The following NKIRAS2 variants were observed in gnomAD, a reference collection of about 807,000 sequenced individuals.
NKIRAS2 encodes NFKB inhibitor interacting Ras like 2, also known as NF-kappa-B inhibitor-interacting Ras-like protein 2.
A neutral mutation model predicts 20.7 loss-of-function variants in NKIRAS2; 15 were observed. The ratio of observed to expected loss-of-function variants is 0.73; its 90% CI spans 0.49 to 1.12. NKIRAS2 has a LOEUF of 1.12. NKIRAS2 is among the 50% of genes most tolerant of loss of function. The pLI is 0.00. For synonymous variants in NKIRAS2, 116 were observed against 101.4 expected (o/e 1.14, Z -0.87); for missense variants, 196 against 249.6 (o/e 0.79, Z 1.45).
upstream of NKIRAS2, among the ~76,000 whole-genome samples, chr17:42,017,835 C>T (rs1389116535): frequency 6.6e-6 from 1 of 152,216 alleles, no homozygotes; most frequent in African/African-American, 2.4e-5. Flanking sequence ...GTCCCCACTG[C>T]TACCTTTCCG....
chr17:42,025,146 G>C lies in NKIRAS2; in HGVS notation c.*1253G>C, dbSNP rs538931437. 1.9e-4 allele frequency: 29 copies of C among 152,762 alleles called. No homozygotes were observed. Among genetic ancestry groups the C allele is most frequent in the African/African-American group, 7.0e-4 (29 of 41,582 alleles). 9.5% of individuals were successfully genotyped at this position (152,762 alleles called of 1,614,324 possible). A position where few individuals can be genotyped will look rare whatever the true frequency, so the allele number is the denominator to read the frequency against. On this transcript the variant is annotated 3_prime_UTR_variant, in exon 4 of 4. Transcript: ENST00000393885. ...CACCAGAGTGGCCGCTCAGTGCCCAGCCCGCCAGCCTCGCTCTTGGAGGCT... is the reference window on the plus strand; with the variant it reads ...CACCAGAGTGGCCGCTCAGTGCCCACCCCGCCAGCCTCGCTCTTGGAGGCT...
intron 1 of NKIRAS2, 162 bp from the exon 2 acceptor site, chr17:42,021,402 A>C (rs782263499): frequency 1.7e-6 from 1 of 600,160 alleles, no homozygotes; most frequent in Non-Finnish European, 3.0e-6. Context: ...CTATACATTC[A>C]GTTTAGAACT....
upstream of NKIRAS2, chr17:42,019,989 C>T (rs1256501093): frequency 6.6e-6 from 1 of 152,312 alleles, no homozygotes; most frequent in South Asian, 2.1e-4. Flanking sequence ...CATTCTCCCG[C>T]CGGCCTCTGG....
chr17:42,017,745 TC>T, upstream of NKIRAS2: 1 of 416,822 alleles, frequency 2.4e-6, no homozygotes, highest in South Asian at 2.5e-5. Context: ...CAACTTCCAA[TC>T]CTAGAGAGTC....
chr17:42,018,600 A>T (rs1463222876), upstream of NKIRAS2: 2 of 152,180 alleles, frequency 1.3e-5, no homozygotes, highest in Admixed American at 1.3e-4. Flanking sequence ...AGCCCTTTCC[A>T]AAACGCCTAC....
Position 42,021,564 on chromosome 17 carries a change from G to A in NKIRAS2, c.-14G>A. On this transcript the variant is annotated splice_region_variant and 5_prime_UTR_variant, in exon 2 of 4. Coordinates refer to ENST00000393885, the MANE Select transcript of NKIRAS2 (RefSeq NM_017595.6). ...ACCCAGCGTGCTTCTGTTCTTCAAG[G>A]TTGAAAACTAAGCATGGGGAAGAGC... The A allele has an allele frequency of 6.2e-7, 1 of 1,613,716 alleles. No homozygotes were observed. The highest frequency in any genetic ancestry group is 1.1e-5 in the South Asian group (1 of 91,070).
At position 42,024,126 on chromosome 17, in the gene NKIRAS2, G is replaced by A. The variant is rs1277373939; in HGVS notation, c.*233G>A. On this transcript the variant is annotated 3_prime_UTR_variant, in exon 4 of 4. Transcript: ENST00000393885. ...CCTACTCCCCATCCCAGCTTTTAGA[G>A]GATCTGCTCCACTGTCTCCTGGGGC... is the stretch of plus-strand genomic sequence containing the variant. 3.5e-6 allele frequency: 2 copies of A among 571,466 alleles called. No individual in the cohort carries two copies. The highest frequency in any genetic ancestry group is 3.8e-5 in the African/African-American group (2 of 52,892). The allele number at this position is 571,466 out of a possible 1,614,324, so 35.4% of individuals were successfully genotyped here.
At chr17:42,018,493 G>A (rs2052366564), upstream of NKIRAS2, 1 of 152,232 alleles carries the variant, frequency 6.6e-6, no homozygotes, top group African/African-American at 2.4e-5. Flanking sequence ...CTATCCCAGT[G>A]TGGAGGGAGC....
In NKIRAS2 at chr17:42,022,441, C is replaced by T. The variant is rs1555653255; in HGVS notation, c.137C>T (p.Ser46Phe). The T allele has an allele frequency of 4.4e-6, 7 of 1,605,942 alleles. No homozygotes were observed. Among genetic ancestry groups the T allele is most frequent in the Non-Finnish European group, 6.0e-6 (7 of 1,173,402 alleles). ...IETQEDIYVG[S>F]IETDRGVREQ... The stretch of plus-strand genomic sequence containing the variant: ...ACGCAGGAGGACATCTACGTGGGCT[C>T]CATTGAGACAGACCGGGGGGTGCGA... The change falls in exon 3 of 4, where the codon TCC (serine) becomes TTC (phenylalanine). Residue 46 changes from serine (S) to phenylalanine (F), a missense_variant. Physicochemically the swap from Ser to Phe is radical, Grantham distance 155 (BLOSUM62 -2). Coordinates refer to ENST00000393885, the MANE Select transcript of NKIRAS2 (RefSeq NM_017595.6).
rs1555653814 is a variant in NKIRAS2 at position 42,024,360 on chromosome 17, C to T, written c.*467C>T. The T allele has an allele frequency of 5.4e-6, 1 of 184,596 alleles. No individual in the cohort carries two copies. The highest frequency in any genetic ancestry group is 5.4e-5 in the Admixed American group (1 of 18,658). The allele number at this position is 184,596 out of a possible 1,614,324, so 11.4% of individuals were successfully genotyped here. ...GTGTGTATGCATTTAGTTGTGCACA[C>T]ACAAATATGCTCCTATACTGGCATT... On this transcript the variant is annotated 3_prime_UTR_variant, in exon 4 of 4. Transcript: ENST00000393885.
In NKIRAS2 at chr17:42,023,645, C is replaced by T. The variant is rs1324498160; in HGVS notation, c.337-9C>T. The stretch of plus-strand genomic sequence containing the variant: ...ATTCACAGGCCTATGCTCTGTCCCT[C>T]TTCCCCAGGTCACCATCGTGGTCCT... On this transcript the variant is annotated splice_polypyrimidine_tract_variant and intron_variant, in intron 3 of 3. Transcript: ENST00000393885. The T allele has an allele frequency of 3.1e-6, 5 of 1,613,220 alleles. No homozygotes were observed. The highest frequency in any genetic ancestry group is 3.4e-6 in the Non-Finnish European group (4 of 1,179,526).
intron 3 of NKIRAS2, 71 bp downstream of exon 3, chr17:42,022,711 C>G: frequency 6.5e-7 from 1 of 1,537,294 alleles, no homozygotes; most frequent in Non-Finnish European, 8.8e-7. Context: ...GTTTGGGAAG[C>G]CTGGCATGGC....
At chr17:42,022,792 C>A (rs2052489281) in intron 3 of NKIRAS2, 152 bp downstream of exon 3, 3 of 945,464 alleles carry the variant, frequency 3.2e-6, no homozygotes, top group Non-Finnish European at 1.5e-6. Flanking sequence ...TCTTTACCCT[C>A]AGGATTGGCT....
chr17:42,021,872 A>C, intron 2 of NKIRAS2: 1 of 741,864 alleles, frequency 1.3e-6, no homozygotes, highest in Non-Finnish European at 2.5e-6. Flanking sequence ...AGGAAAGAGA[A>C]GCTGTCATGT....
At chr17:42,017,618 G>A (rs1238974836), upstream of NKIRAS2, 2 of 643,550 alleles carry the variant, frequency 3.1e-6, no homozygotes, top group South Asian at 1.9e-5. Flanking sequence ...GAGCCCAGGG[G>A]CTGTGCCGGT....
chr17:42,018,749 C>T (rs1567976354), upstream of NKIRAS2, among the ~76,000 whole-genome samples: 1 of 152,186 alleles, frequency 6.6e-6, no homozygotes. Flanking sequence ...TCATTTATTC[C>T]CACAGCTTTA....
chr17:42,023,672 G>A lies in NKIRAS2; in HGVS notation c.355G>A (p.Gly119Ser), dbSNP rs1379044285. 6.2e-7 allele frequency: 1 copy of A among 1,614,050 alleles called. No homozygotes were observed. The highest frequency in any genetic ancestry group is 1.3e-5 in the African/African-American group (1 of 74,924). Reference protein sequence around the residue: ...DKKEVTIVVLGNKCDLQEQRR... With the variant: ...DKKEVTIVVLSNKCDLQEQRR... Reference sequence around the variant, plus strand: ...TCCCCAGGTCACCATCGTGGTCCTTGGCAACAAGTGTGACTTACAGGAGCA... The same window carrying A: ...TCCCCAGGTCACCATCGTGGTCCTTAGCAACAAGTGTGACTTACAGGAGCA... Residue 119 changes from glycine (G) to serine (S), a missense_variant, in exon 4 of 4, where the codon GGC (glycine) becomes AGC (serine). Gly to Ser is a moderately conservative substitution (Grantham distance 56). Transcript: ENST00000393885.
chr17:42,017,582 C>A (rs1289841136), upstream of NKIRAS2: 1 of 836,158 alleles, frequency 1.2e-6, no homozygotes, highest in East Asian at 2.7e-5. Flanking sequence ...CCCCGGATGT[C>A]CACGGTGGTC....
chr17:42,022,910 A>G (rs2052492650), intron 3 of NKIRAS2: 2 of 395,248 alleles, frequency 5.1e-6, no homozygotes, highest in Non-Finnish European at 9.4e-6. Flanking sequence ...GACCTAATGT[A>G]TGAAGCCCCC....
Sources: allele counts gnomAD v4.1 joint callset (sites outside exome capture counted in the v4.1 genomes callset), GRCh38; gene constraint gnomAD v4.1.1; transcripts MANE v1.5; gene names NCBI Gene and HGNC (gene_info 2026-07-23, HGNC 2026-07-21).